NEK11: variants seen among roughly 807,000 people sequenced by gnomAD.
NEK11 encodes the protein NIMA related kinase 11, also known as serine/threonine-protein kinase Nek11.
NEK11 carries 72 observed loss-of-function variants against 80.7 expected under a neutral mutation model. The ratio of observed to expected loss-of-function variants is 0.89; its 90% CI spans 0.74 to 1.08. The LOEUF is 1.08. Ranked by LOEUF, NEK11 falls within the 50% of genes least tolerant of loss-of-function variation. NEK11 has a pLI of 0.00. For missense variants in NEK11, 764 were observed against 763.6 expected (o/e 1.00, Z -0.01); for synonymous variants, 251 against 260.7 (o/e 0.96, Z 0.36).
intron 14 of NEK11, among the ~76,000 whole-genome samples, chr3:131,206,860 C>A (rs2094455338): frequency 6.7e-6 from 1 of 148,568 alleles, no homozygotes; most frequent in Non-Finnish European, 1.5e-5. Context: ...CAGGCCCCAC[C>A]CTGTGTCTAA....
At chr3:131,274,632 CTTTTTTTTTTTTTTTTT>C (rs756861338) in intron 17 of NEK11, among the ~76,000 whole-genome samples, 1 of 45,304 alleles carries the variant, frequency 2.2e-5, no homozygotes, top group Admixed American at 4.1e-4. Context: ...TGTTTCCTGA[CTTTTTTTTTTTTTTTTT>C]TTTTTTTTTT....
intron 17 of NEK11, among the ~76,000 whole-genome samples, chr3:131,334,175 G>GCACCA (rs2097142286): frequency 6.6e-6 from 1 of 152,080 alleles, no homozygotes; most frequent in Non-Finnish European, 1.5e-5. Context: ...ATTTTTTTCA[G>GCACCA]CACCACACCA....
rs1553966666 is a variant in NEK11 at position 131,255,124 on chromosome 3, G to GAAAGAAAGA, written c.1621+11633_1621+11634insAAGAAAAGA. Among the ~76,000 whole-genome samples, 244 of 150,186 alleles carry GAAAGAAAGA rather than the reference G, an allele frequency of 1.6e-3. 1 individual carries two copies. Among genetic ancestry groups the GAAAGAAAGA allele is most frequent in the African/African-American group, 5.1e-3 (205 of 40,130 alleles). On this transcript the variant is annotated intron_variant, in intron 16 of 17. Coordinates refer to ENST00000383366, the MANE Select transcript of NEK11 (RefSeq NM_024800.5). ...AGAAAGAAAGAAAGAAAGAAAGAAA[G>GAAAGAAAGA]AAAGAGAGAAAGAACAGCTAATTTC...
chr3:131,243,583 G>A (rs1369178910), intron 16 of NEK11, 87 bp downstream of exon 16: 3 of 1,140,930 alleles, frequency 2.6e-6, no homozygotes, highest in Non-Finnish European at 2.6e-6. Context: ...AGGTGTTTAA[G>A]TCTGATATCT....
intron 3 of NEK11, among the ~76,000 whole-genome samples, chr3:131,077,884 C>T (rs1223531027): frequency 1.3e-5 from 2 of 152,140 alleles, no homozygotes; most frequent in African/African-American, 4.8e-5. Flanking sequence ...ATAGAACAGC[C>T]TTTCTTCAGA....
chr3:131,193,631 T>G (rs1006832863), intron 14 of NEK11, among the ~76,000 whole-genome samples: 11 of 152,140 alleles, frequency 7.2e-5, no homozygotes, highest in African/African-American at 2.4e-4. Flanking sequence ...ATAAACAGAA[T>G]TAATGTTTTC....
intron 17 of NEK11, among the ~76,000 whole-genome samples, chr3:131,336,144 A>G (rs1197412838): frequency 6.6e-6 from 1 of 152,220 alleles, no homozygotes; most frequent in Non-Finnish European, 1.5e-5. Flanking sequence ...GAACCAAAAA[A>G]GAGCCCGCAT....
intron 5 of NEK11, among the ~76,000 whole-genome samples, chr3:131,115,949 T>C (rs536059526): frequency 6.1e-5 from 8 of 130,884 alleles, no homozygotes; most frequent in African/African-American, 2.3e-4. Flanking sequence ...TTTCTTTCTT[T>C]CTTTCTTTCT....
intron 16 of NEK11, among the ~76,000 whole-genome samples, chr3:131,262,265 T>C (rs568891479): frequency 5.0e-4 from 76 of 152,258 alleles, no homozygotes; most frequent in African/African-American, 1.5e-3. Flanking sequence ...TGTGCACCTG[T>C]AGTCCCAGCT....
chr3:131,027,821 T>C (rs2064125402), intron 1 of NEK11, 109 bp from the exon 2 acceptor site: 1 of 151,706 alleles, frequency 6.6e-6, no homozygotes, highest in African/African-American at 2.4e-5. Flanking sequence ...TTCTGCAGCC[T>C]GGACCAGACT....
Position 131,273,503 on chromosome 3 carries a change from T to G in NEK11, c.1647T>G (p.Ala549=). The G allele has an allele frequency of 6.2e-7, 1 of 1,613,982 alleles. No individual in the cohort carries two copies. The highest frequency in any genetic ancestry group is 8.5e-7 in the Non-Finnish European group (1 of 1,179,890). Residue 549 remains alanine (A), a synonymous_variant, in exon 17 of 18, where the codon GCT becomes GCG. Coordinates refer to ENST00000383366, the MANE Select transcript of NEK11 (RefSeq NM_024800.5). The part of the protein sequence containing the change: ...SLDTKTITTM[A]EDMSPGPPIF... ...ACACAAAGACCATCACCACCATGGC[T>G]GAAGACATGTCCCCAGGACCACCAA...
chr3:131,047,412 G>T (rs1277630823), intron 3 of NEK11, among the ~76,000 whole-genome samples: 1 of 152,212 alleles, frequency 6.6e-6, no homozygotes, highest in African/African-American at 2.4e-5. Flanking sequence ...CTACATCAGA[G>T]AAATGATCTG....
intron 17 of NEK11, among the ~76,000 whole-genome samples, chr3:131,300,551 T>C (rs2096650062): frequency 6.6e-6 from 1 of 152,214 alleles, no homozygotes; most frequent in Admixed American, 6.6e-5. Flanking sequence ...TGAGTTGATT[T>C]TTGTATATGG....
chr3:131,287,271 C>CTTTG (rs965438575), intron 17 of NEK11, among the ~76,000 whole-genome samples: 2 of 152,060 alleles, frequency 1.3e-5, no homozygotes, highest in Non-Finnish European at 1.5e-5. Flanking sequence ...AAAGATGTTT[C>CTTTG]TTTGTTTGTT....
At chr3:131,116,031 G>T (rs1325873079) in intron 5 of NEK11, among the ~76,000 whole-genome samples, 1 of 147,268 alleles carries the variant, frequency 6.8e-6, no homozygotes, top group Admixed American at 6.9e-5. Flanking sequence ...CAACGTGCAG[G>T]TTTGTTACAT....
intron 10 of NEK11, among the ~76,000 whole-genome samples, chr3:131,156,251 T>G (rs1428711649): frequency 6.6e-6 from 1 of 152,220 alleles, no homozygotes. Flanking sequence ...ATAAGAGATG[T>G]ATATTCCTGA....
At chr3:131,187,156 G>A (rs2093632635) in intron 14 of NEK11, among the ~76,000 whole-genome samples, 1 of 152,094 alleles carries the variant, frequency 6.6e-6, no homozygotes, top group Admixed American at 6.6e-5. Context: ...CTAGCCACAT[G>A]TGGTTACTTT....
intron 5 of NEK11, among the ~76,000 whole-genome samples, chr3:131,110,385 A>T (rs1364858039): frequency 6.6e-6 from 1 of 152,166 alleles, no homozygotes; most frequent in East Asian, 1.9e-4. Flanking sequence ...GACAGAATGT[A>T]TTCTTTCACC....
At chr3:131,242,793 GT>G in intron 15 of NEK11, among the ~76,000 whole-genome samples, 1 of 152,234 alleles carries the variant, frequency 6.6e-6, no homozygotes, top group East Asian at 1.9e-4. Context: ...TTAGGATGCT[GT>G]TTTGGATTAT....
Sources: allele counts gnomAD v4.1 joint callset (sites outside exome capture counted in the v4.1 genomes callset), GRCh38; gene constraint gnomAD v4.1.1; transcripts MANE v1.5; gene names NCBI Gene and HGNC (gene_info 2026-07-23, HGNC 2026-07-21).